Variants in CNTN4 observed in about 807,000 individuals in gnomAD.
CNTN4 encodes the protein contactin 4, also known as contactin-4.
In CNTN4, 77 loss-of-function variants were observed where a neutral mutation model predicts 122.5. That is an observed-to-expected ratio of 0.63 (90% CI 0.52 to 0.76). CNTN4 has a LOEUF of 0.76. Ranked by LOEUF, CNTN4 falls within the 30% of genes least tolerant of loss-of-function variation. The pLI, the probability that CNTN4 is intolerant of heterozygous loss-of-function variation, is 0.00. For synonymous variants in CNTN4, 512 were observed against 447.0 expected (o/e 1.15, Z -1.83); for missense variants, 1,256 against 1,259.1 (o/e 1.00, Z 0.04).
intron 6 of CNTN4, among the ~76,000 whole-genome samples, chr3:2,816,703 C>G (rs1202401558): frequency 6.6e-6 from 1 of 151,348 alleles, no homozygotes; most frequent in African/African-American, 2.4e-5. Context: ...TGCCTGTAGT[C>G]CCAGCTACTC....
chr3:2,809,971 A>G (rs991332080), intron 6 of CNTN4, among the ~76,000 whole-genome samples: 12 of 152,250 alleles, frequency 7.9e-5, no homozygotes, highest in Admixed American at 4.6e-4. Context: ...TCCCAGAGAA[A>G]AGGGCAGCCA....
chr3:2,475,447 A>T (rs899911256), intron 3 of CNTN4, among the ~76,000 whole-genome samples: 2 of 152,212 alleles, frequency 1.3e-5, no homozygotes, highest in Non-Finnish European at 2.9e-5. Context: ...TTAGGAACCC[A>T]GAAGAAACAT....
chr3:2,426,929 T>C (rs1347868863), intron 3 of CNTN4, among the ~76,000 whole-genome samples: 1 of 152,204 alleles, frequency 6.6e-6, no homozygotes, highest in Non-Finnish European at 1.5e-5. Flanking sequence ...CCCTTTATCT[T>C]TTTTTATTAC....
chr3:2,974,553 G>A (rs532796382), intron 13 of CNTN4, among the ~76,000 whole-genome samples: 12 of 152,304 alleles, frequency 7.9e-5, no homozygotes, highest in African/African-American at 2.4e-4. Flanking sequence ...CAAGTCACAC[G>A]TCTAGCAGAT....
At chr3:2,258,051 A>G (rs1193383160) in intron 2 of CNTN4, among the ~76,000 whole-genome samples, 2 of 152,174 alleles carry the variant, frequency 1.3e-5, no homozygotes, top group Non-Finnish European at 2.9e-5. Context: ...CAATAGAATG[A>G]GACTCCATCT....
intron 14 of CNTN4, among the ~76,000 whole-genome samples, chr3:3,005,187 G>C (rs1464648444): frequency 6.6e-6 from 1 of 152,130 alleles, no homozygotes; most frequent in Admixed American, 6.5e-5. Flanking sequence ...TCACACCGAG[G>C]CTAATCTCCT....
intron 3 of CNTN4, among the ~76,000 whole-genome samples, chr3:2,514,196 A>T (rs2149094483): frequency 1.3e-5 from 2 of 152,294 alleles, no homozygotes; most frequent in South Asian, 4.1e-4. Context: ...CGGCTTAAGC[A>T]CAAAGAGGAC....
chr3:2,763,889 A>G (rs115041462), intron 6 of CNTN4, among the ~76,000 whole-genome samples: 1,969 of 150,674 alleles, frequency 0.013, 43 homozygotes, highest in African/African-American at 0.046. Flanking sequence ...CTGTGTCCCT[A>G]TAGTATAGTT....
intron 3 of CNTN4, among the ~76,000 whole-genome samples, chr3:2,461,454 A>G (rs1195077822): frequency 6.6e-6 from 1 of 152,146 alleles, no homozygotes; most frequent in Non-Finnish European, 1.5e-5. Flanking sequence ...GTTTCAGAAA[A>G]CAAAGTTATG....
chr3:2,732,844 A>G (rs1435583478), intron 4 of CNTN4, among the ~76,000 whole-genome samples: 2 of 152,204 alleles, frequency 1.3e-5, no homozygotes, highest in Non-Finnish European at 2.9e-5. Context: ...TTGTGAGCCC[A>G]AATAGCTCGT....
At chr3:2,359,427 C>T (rs2045020756) in intron 3 of CNTN4, among the ~76,000 whole-genome samples, 1 of 152,182 alleles carries the variant, frequency 6.6e-6, no homozygotes, top group African/African-American at 2.4e-5. Context: ...ATAGAAGTTA[C>T]ATAAACATGG....
intron 2 of CNTN4, among the ~76,000 whole-genome samples, chr3:2,147,699 C>A (rs1001857544): frequency 6.6e-6 from 1 of 152,164 alleles, no homozygotes. Flanking sequence ...GTCACAGGCT[C>A]CTCAGCCTGA....
chr3:2,238,891 T>TG lies in CNTN4; in HGVS notation c.-144-100287_-144-100286insG, dbSNP rs368662209. 15 of 77,076 alleles carry TG rather than the reference T, an allele frequency of 1.9e-4. 3 individuals are homozygous for TG. Among genetic ancestry groups the TG allele is most frequent in the Non-Finnish European group, 2.7e-4 (10 of 36,438 alleles). 4.8% of individuals were successfully genotyped at this position (77,076 alleles called of 1,614,324 possible). A position where few individuals can be genotyped will look rare whatever the true frequency, so the allele number is the denominator to read the frequency against. On this transcript the variant is annotated intron_variant, in intron 2 of 24. Coordinates refer to ENST00000418658, the MANE Select transcript of CNTN4 (RefSeq NM_175607.3). ...TACAGGCGCCGCCACCACGCCTGGC[T>TG]AATTTTTGTATTTTTAGTAGAGACG... is the stretch of plus-strand genomic sequence containing the variant.
At chr3:2,375,467 A>G (rs1374633380) in intron 3 of CNTN4, among the ~76,000 whole-genome samples, 2 of 152,172 alleles carry the variant, frequency 1.3e-5, no homozygotes, top group Non-Finnish European at 2.9e-5. Flanking sequence ...TCAATACTCC[A>G]TAATATGACA....
At chr3:2,598,842 C>G (rs1320549907) in intron 4 of CNTN4, among the ~76,000 whole-genome samples, 1 of 151,720 alleles carries the variant, frequency 6.6e-6, no homozygotes, top group African/African-American at 2.4e-5. Context: ...GATCCACTCT[C>G]TTGGTTTTGT....
chr3:2,447,562 C>T (rs115939553), intron 3 of CNTN4, among the ~76,000 whole-genome samples: 23 of 151,942 alleles, frequency 1.5e-4, no homozygotes, highest in African/African-American at 4.3e-4. Flanking sequence ...TCTTTTTCTA[C>T]GTAGCAAGAC....
At chr3:2,705,284 C>G (rs996101127) in intron 4 of CNTN4, among the ~76,000 whole-genome samples, 3 of 144,096 alleles carry the variant, frequency 2.1e-5, no homozygotes, top group Non-Finnish European at 4.5e-5. Flanking sequence ...AGGAGAATGG[C>G]GGGAACCTAG....
intron 3 of CNTN4, among the ~76,000 whole-genome samples, chr3:2,384,668 C>T (rs754651978): frequency 6.6e-6 from 1 of 152,102 alleles, no homozygotes; most frequent in African/African-American, 2.4e-5. Context: ...GAATAGGACT[C>T]TCACATCTCC....
chr3:2,556,686 G>A (rs1282895041), intron 3 of CNTN4, among the ~76,000 whole-genome samples: 1 of 151,974 alleles, frequency 6.6e-6, no homozygotes, highest in Non-Finnish European at 1.5e-5. Flanking sequence ...TTTTATATAT[G>A]TGTGTGTATA....
Sources: gnomAD v4.1 joint callset for allele counts (sites outside exome capture counted in the v4.1 genomes callset) on GRCh38, gnomAD v4.1.1 for gene constraint, MANE v1.5 for transcripts, NCBI Gene and HGNC (gene_info 2026-07-23, HGNC 2026-07-21) for gene names.